Variants in SFT2D1 observed in about 807,000 individuals in gnomAD.
SFT2D1 encodes the protein vesicle transport protein SFT2A.
Under a neutral mutation model 28.1 loss-of-function variants are expected in SFT2D1, and 24 were observed. The ratio of observed to expected loss-of-function variants is 0.85; its 90% CI spans 0.62 to 1.20. The LOEUF is 1.20. SFT2D1 is among the 50% of genes most tolerant of loss of function. The pLI, the probability that SFT2D1 is intolerant of heterozygous loss-of-function variation, is 0.00. For missense variants in SFT2D1, 181 were observed against 190.9 expected (o/e 0.95, Z 0.31); for synonymous variants, 82 against 73.7 (o/e 1.11, Z -0.58).
intron 1 of SFT2D1, chr6:166,334,776 G>A (rs1221993136): frequency 2.8e-5 from 11 of 399,844 alleles, no homozygotes; most frequent in South Asian, 8.4e-5. Flanking sequence ...CCTGTATGCC[G>A]CTGTGAAGGA....
intron 4 of SFT2D1, among the ~76,000 whole-genome samples, chr6:166,326,513 GCTAT>G (rs1778447966): frequency 6.6e-6 from 1 of 152,220 alleles, no homozygotes; most frequent in Non-Finnish European, 1.5e-5. Context: ...TCTGACGCCT[GCTAT>G]CTGAGGGTCC....
intron 1 of SFT2D1, among the ~76,000 whole-genome samples, chr6:166,330,553 A>G (rs921926054): frequency 1.3e-5 from 2 of 152,252 alleles, no homozygotes; most frequent in African/African-American, 4.8e-5. Flanking sequence ...AAGATATATT[A>G]TAAAATATAC....
At chr6:166,333,381 TCAGTGACC>T (rs1484665626) in intron 1 of SFT2D1, among the ~76,000 whole-genome samples, 1 of 152,090 alleles carries the variant, frequency 6.6e-6, no homozygotes, top group African/African-American at 2.4e-5. Flanking sequence ...TCCACTCCAC[TCAGTGACC>T]CAGCCCAGGG....
intron 1 of SFT2D1, among the ~76,000 whole-genome samples, chr6:166,334,024 G>A (rs4144887): frequency 0.27 from 41,034 of 152,142 alleles, 5,896 homozygotes; most frequent in African/African-American, 0.36. Flanking sequence ...TACCTGCTCA[G>A]GGAATTGATG....
At chr6:166,340,212 A>C (rs1156586074) in intron 1 of SFT2D1, among the ~76,000 whole-genome samples, 2 of 152,198 alleles carry the variant, frequency 1.3e-5, no homozygotes, top group African/African-American at 4.8e-5. Flanking sequence ...TTTGAGCCAC[A>C]GTCATCTCTT....
chr6:166,337,643 C>T (rs1260637725), intron 1 of SFT2D1, among the ~76,000 whole-genome samples: 2 of 152,170 alleles, frequency 1.3e-5, no homozygotes, highest in Non-Finnish European at 2.9e-5. Context: ...GGTAGGTATA[C>T]TTACAATCTT....
intron 5 of SFT2D1, 187 bp downstream of exon 5, chr6:166,325,945 A>G (rs1778437020): frequency 3.1e-6 from 2 of 639,702 alleles, no homozygotes; most frequent in Non-Finnish European, 5.6e-6. Flanking sequence ...TCTATGCTGT[A>G]GACAGTAGAA....
At chr6:166,325,861 A>G (rs1474389396) in intron 5 of SFT2D1, 8 of 538,716 alleles carry the variant, frequency 1.5e-5, no homozygotes, top group Non-Finnish European at 2.7e-5. Context: ...TGCTGCAGAC[A>G]GTAGAATCTA....
intron 1 of SFT2D1, among the ~76,000 whole-genome samples, chr6:166,332,360 T>C (rs1389503820): frequency 6.6e-6 from 1 of 152,178 alleles, no homozygotes; most frequent in East Asian, 1.9e-4. Flanking sequence ...GTTCAAGTGA[T>C]TCTCCTACCT....
intron 7 of SFT2D1, 107 bp from the exon 8 acceptor site, chr6:166,320,363 T>C: frequency 1.3e-6 from 1 of 768,990 alleles, no homozygotes; most frequent in Non-Finnish European, 2.1e-6. Flanking sequence ...CAATGGATGC[T>C]CCAACACACT....
At chr6:166,336,723 T>C (rs1175455661) in intron 1 of SFT2D1, among the ~76,000 whole-genome samples, 1 of 152,108 alleles carries the variant, frequency 6.6e-6, no homozygotes, top group Non-Finnish European at 1.5e-5. Context: ...GCACACACCA[T>C]CACGCTCAAC....
intron 1 of SFT2D1, among the ~76,000 whole-genome samples, chr6:166,332,438 T>C (rs1199020420): frequency 1.3e-5 from 2 of 152,208 alleles, no homozygotes; most frequent in African/African-American, 4.8e-5. Flanking sequence ...GTATTTTTAG[T>C]AGAAACGGGG....
Position 166,324,671 on chromosome 6 carries a change from G to T in SFT2D1, c.352-76C>A, listed in dbSNP as rs548694903. 5 of 1,361,180 alleles carry T rather than the reference G, an allele frequency of 3.7e-6. No homozygotes were observed. In the African/African-American group the frequency reaches 4.4e-5, roughly 12 times the overall value. The allele number at this position is 1,361,180 out of a possible 1,614,324, so 84.3% of individuals were successfully genotyped here. ...TCTTTCTCAATCAAACTTAATTCTTGTCTTTCAAAAATGTAGATGATGGCT... is the reference window on the plus strand; with the variant it reads ...TCTTTCTCAATCAAACTTAATTCTTTTCTTTCAAAAATGTAGATGATGGCT... On this transcript the variant is annotated intron_variant, in intron 5 of 7. Transcript: ENST00000361731.
intron 1 of SFT2D1, among the ~76,000 whole-genome samples, chr6:166,338,885 C>T (rs1407541697): frequency 6.6e-6 from 1 of 152,112 alleles, no homozygotes; most frequent in Non-Finnish European, 1.5e-5. Flanking sequence ...GCTACCGTGC[C>T]TCTCCCCGGG....
At chr6:166,337,054 C>A (rs1018438014) in intron 1 of SFT2D1, among the ~76,000 whole-genome samples, 3 of 152,240 alleles carry the variant, frequency 2.0e-5, no homozygotes, top group South Asian at 2.1e-4. Context: ...CAGGCTCTAG[C>A]AGGCAGGCCT....
Position 166,328,372 on chromosome 6 carries a change from T to G in SFT2D1, c.234-15A>C. 1 of 1,484,882 alleles carries G rather than the reference T, an allele frequency of 6.7e-7. No homozygotes were observed. Among genetic ancestry groups the G allele is most frequent in the African/African-American group, 1.4e-5 (1 of 70,918 alleles). The allele number at this position is 1,484,882 out of a possible 1,614,324, so 92.0% of individuals were successfully genotyped here. ...AAAAGCATGTACTATTTGAAACAAA[T>G]AAAGTGACTGAGGTACAGGTCTACT... is the stretch of plus-strand genomic sequence containing the variant. On this transcript the variant is annotated splice_polypyrimidine_tract_variant and intron_variant, in intron 3 of 7. Coordinates refer to ENST00000361731, the MANE Select transcript of SFT2D1 (RefSeq NM_145169.3).
chr6:166,330,438 G>A (rs1483774318), intron 1 of SFT2D1, among the ~76,000 whole-genome samples, 191 bp from the exon 2 acceptor site: 13 of 152,166 alleles, frequency 8.5e-5, no homozygotes, highest in Non-Finnish European at 1.5e-4. Context: ...AGCAGATGAT[G>A]CTGAGGAATA....
intron 3 of SFT2D1, among the ~76,000 whole-genome samples, chr6:166,328,986 C>T (rs1223167513): frequency 6.6e-6 from 1 of 152,196 alleles, no homozygotes; most frequent in East Asian, 1.9e-4. Context: ...CTTTTTCTGG[C>T]TTATCATGTG....
At chr6:166,332,237 A>G (rs1355554262) in intron 1 of SFT2D1, among the ~76,000 whole-genome samples, 1 of 152,312 alleles carries the variant, frequency 6.6e-6, no homozygotes, top group East Asian at 1.9e-4. Flanking sequence ...GCATCTTCCA[A>G]CTAGGAGACA....
Sources: gnomAD v4.1 joint callset for allele counts (sites outside exome capture counted in the v4.1 genomes callset) on GRCh38, gnomAD v4.1.1 for gene constraint, MANE v1.5 for transcripts, NCBI Gene and HGNC (gene_info 2026-07-23, HGNC 2026-07-21) for gene names.